CAPN12: variants seen among roughly 807,000 people sequenced by gnomAD.
CAPN12 encodes the protein calpain-12.
In CAPN12, 107 loss-of-function variants were observed where a neutral mutation model predicts 95.0. The observed-to-expected ratio is 1.13, with a 90% confidence interval of 0.96 to 1.32. The LOEUF (loss-of-function observed/expected upper bound fraction) is 1.32, where lower values mean the gene tolerates loss of function less well. CAPN12 is among the 40% of genes most tolerant of loss of function. The pLI is 0.00. For synonymous variants in CAPN12, 505 were observed against 415.5 expected, an observed-to-expected ratio of 1.22 and a Z score of -2.62; for missense variants, 1,136 against 997.8, an observed-to-expected ratio of 1.14 and a Z score of -1.87.
Position 38,737,571 on chromosome 19 carries a change from G to A in CAPN12, c.1033C>T (p.Leu345=). 6.2e-7 allele frequency: 1 copy of A among 1,612,312 alleles called. No individual in the cohort carries two copies. The highest frequency in any genetic ancestry group is 8.5e-7 in the Non-Finnish European group (1 of 1,179,786). ...CCGCCCCCCTCCGGGCTGGGGCCCA[G>A]CACCTCCGGGCTCAGCGAGCAGATC... is the stretch of plus-strand genomic sequence containing the variant. ...VQICSLSPEV[L]GPSPEGGGWH... is the part of the protein sequence containing the mutation. Residue 345 remains leucine, a synonymous_variant, in exon 9 of 21, where the codon CTG becomes TTG. Coordinates refer to ENST00000328867, the MANE Select transcript of CAPN12 (RefSeq NM_144691.4).
chr19:38,736,306 A>G lies in CAPN12; in HGVS notation c.1387T>C (p.Trp463Arg), dbSNP rs1970142846. The G allele has an allele frequency of 1.4e-6, 2 of 1,440,658 alleles. No homozygotes were observed. Among genetic ancestry groups the G allele is most frequent in the East Asian group, 5.6e-5 (2 of 35,860 alleles). The allele number at this position is 1,440,658 out of a possible 1,614,324, so 89.2% of individuals were successfully genotyped here. The change falls in exon 12 of 21, where the codon TGG becomes CGG. Residue 463 changes from tryptophan (W) to arginine (R), a missense_variant. By Grantham distance (101) the Trp-to-Arg change is moderately radical. Coordinates refer to ENST00000328867, the MANE Select transcript of CAPN12 (RefSeq NM_144691.4). ...AGCGCATGGCTGCGCGGGGAATCCC[A>G]GAGGCCCAGCAGCTGGGGACGGGGC... ...FQIPEELLGL[W>R]DSPRSHALLP... is the part of the protein sequence containing the mutation.
At position 38,735,501 on chromosome 19, in the gene CAPN12, C is replaced by T; in HGVS notation, c.1626+1G>A. On this transcript the variant is annotated splice_donor_variant, in intron 13 of 20. Coordinates refer to ENST00000328867, the MANE Select transcript of CAPN12 (RefSeq NM_144691.4). LOFTEE classifies it high-confidence loss of function. ...GCCGCCCCTCCAGGAACAGTCCCCACCTGGAGAGACTGCAGGTCTGCGCTG... is the reference window on the plus strand; with the variant it reads ...GCCGCCCCTCCAGGAACAGTCCCCATCTGGAGAGACTGCAGGTCTGCGCTG... 2 of 1,611,312 alleles carry T rather than the reference C, an allele frequency of 1.2e-6. No individual in the cohort carries two copies. The highest frequency in any genetic ancestry group is 1.7e-6 in the Non-Finnish European group (2 of 1,179,546).
chr19:38,736,092 T>C lies in CAPN12; in HGVS notation c.1583+18A>G, dbSNP rs1327372081. 4.1e-6 allele frequency: 6 copies of C among 1,461,710 alleles called. No homozygotes were observed. The highest frequency in any genetic ancestry group is 5.4e-6 in the Non-Finnish European group (6 of 1,109,376). 90.5% of individuals were successfully genotyped at this position (1,461,710 alleles called of 1,614,324 possible). On this transcript the variant is annotated intron_variant, in intron 12 of 20. Coordinates refer to ENST00000328867, the MANE Select transcript of CAPN12 (RefSeq NM_144691.4). ...GTCTAGGCAGGGATGGGGTCGGATT[T>C]GGGTGCCCGGGGCTCACACGGCCGT...
At chr19:38,732,834 C>T (rs1969728909) in intron 18 of CAPN12, among the ~76,000 whole-genome samples, 1 of 152,196 alleles carries the variant, frequency 6.6e-6, no homozygotes, top group Non-Finnish European at 1.5e-5. Flanking sequence ...TGACCCCAGC[C>T]CACTCTCCAA....
chr19:38,736,098 C>A lies in CAPN12; in HGVS notation c.1583+12G>T, dbSNP rs368118072. The A allele has an allele frequency of 1.4e-6, 2 of 1,477,760 alleles. No homozygotes were observed. The highest frequency in any genetic ancestry group is 1.3e-5 in the South Asian group (1 of 78,036). 91.5% of individuals were successfully genotyped at this position (1,477,760 alleles called of 1,614,324 possible). A position where few individuals can be genotyped will look rare whatever the true frequency, so the allele number is the denominator to read the frequency against. ...GCAGGGATGGGGTCGGATTTGGGTGCCCGGGGCTCACACGGCCGTGTGGCG... is the reference window on the plus strand; with the variant it reads ...GCAGGGATGGGGTCGGATTTGGGTGACCGGGGCTCACACGGCCGTGTGGCG... On this transcript the variant is annotated intron_variant, in intron 12 of 20. Coordinates refer to ENST00000328867, the MANE Select transcript of CAPN12 (RefSeq NM_144691.4).
Position 38,741,794 on chromosome 19 carries a change from C to A in CAPN12, c.543G>T (p.Leu181=). The change falls in exon 4 of 21, where the codon CTG becomes CTT. Residue 181 remains leucine (L), a synonymous_variant. Transcript: ENST00000328867. ...EQRNEFWAPL[L]EKAYAKLHGS... ...GTCCTCACTTGGCGTAGGCCTTCTC[C>A]AGGAGTGGGGCCCAGAACTCATTCC... The A allele has an allele frequency of 1.2e-6, 2 of 1,614,052 alleles. No homozygotes were observed. Among genetic ancestry groups the A allele is most frequent in the Non-Finnish European group, 1.7e-6 (2 of 1,180,032 alleles).
rs746297679 is a variant in CAPN12, at chr19:38,738,447, G to A, written c.861C>T (p.Cys287=). ...CGCTCCAGGCCCCCGTCCACTCCACGCAGCCCCATGGGTTCCGCAGCCGCA... is the reference window on the plus strand; with the variant it reads ...CGCTCCAGGCCCCCGTCCACTCCACACAGCCCCATGGGTTCCGCAGCCGCA... The part of the protein sequence containing the change: ...RLLRLRNPWG[C]VEWTGAWSDS... The change falls in exon 7 of 21, where the codon TGC becomes TGT. Residue 287 remains cysteine (C), a synonymous_variant. Coordinates refer to ENST00000328867, the MANE Select transcript of CAPN12 (RefSeq NM_144691.4). The A allele has an allele frequency of 1.4e-5, 23 of 1,600,464 alleles. No individual in the cohort carries two copies. The highest frequency in any genetic ancestry group is 5.0e-5 in the Admixed American group (3 of 59,620).
chr19:38,737,626 C>T lies in CAPN12; in HGVS notation c.978G>A (p.Arg326=). The part of the protein sequence containing the change: ...KEDGEFWMEL[R]DFLLHFDTVQ... ...CGGTGTCGAAATGGAGGAGGAAGTC[C>T]CGCAGCTCCATCCTGCACGGTGGCC... is the stretch of plus-strand genomic sequence containing the variant. Residue 326 remains arginine (R), a synonymous_variant, in exon 9 of 21, where the codon CGG becomes CGA. Transcript: ENST00000328867. The T allele has an allele frequency of 6.2e-7, 1 of 1,603,486 alleles. No homozygotes were observed.
intron 15 of CAPN12, 159 bp from the exon 16 acceptor site, chr19:38,734,548 G>A (rs1969877467): frequency 2.8e-6 from 2 of 707,808 alleles, no homozygotes; most frequent in Non-Finnish European, 4.6e-6. Context: ...TAGCAGAGCT[G>A]GGATTCAAAT....
chr19:38,736,580 C>T lies in CAPN12; in HGVS notation c.1363-17G>A, dbSNP rs763245947. On this transcript the variant is annotated splice_polypyrimidine_tract_variant and intron_variant, in intron 10 of 20. Coordinates refer to ENST00000328867, the MANE Select transcript of CAPN12 (RefSeq NM_144691.4). ...CTCTGGAATCTGAAAGAAGCAAGAG[C>T]AAGGGGCGTCGGGGCAGGGGAGAGG... is the stretch of plus-strand genomic sequence containing the variant. 2 of 1,561,606 alleles carry T rather than the reference C, an allele frequency of 1.3e-6. No homozygotes were observed. The highest frequency in any genetic ancestry group is 8.7e-7 in the Non-Finnish European group (1 of 1,153,012).
Position 38,736,305 on chromosome 19 carries a change from C to T in CAPN12, c.1388G>A (p.Trp463Ter), listed in dbSNP as rs1970142691. Residue 463 changes from tryptophan to a stop codon, truncating the protein, a stop_gained, in exon 12 of 21, where the codon TGG (tryptophan) becomes TAG (stop). Coordinates refer to ENST00000328867, the MANE Select transcript of CAPN12 (RefSeq NM_144691.4). LOFTEE classifies it high-confidence loss of function. ...FQIPEELLGL[W>*]DSPRSHALLP... is the part of the protein sequence containing the mutation. ...GAGCGCATGGCTGCGCGGGGAATCCCAGAGGCCCAGCAGCTGGGGACGGGG... is the reference window on the plus strand; with the variant it reads ...GAGCGCATGGCTGCGCGGGGAATCCTAGAGGCCCAGCAGCTGGGGACGGGG... 2.1e-6 allele frequency: 3 copies of T among 1,441,582 alleles called. No individual in the cohort carries two copies. The African/African-American group carries it at 4.5e-5, about 22-fold the overall frequency. The allele number at this position is 1,441,582 out of a possible 1,614,324, so 89.3% of individuals were successfully genotyped here. A position where few individuals can be genotyped will look rare whatever the true frequency, so the allele number is the denominator to read the frequency against.
At chr19:38,743,757 G>A (rs561301636) in intron 1 of CAPN12, among the ~76,000 whole-genome samples, 172 bp downstream of exon 1, 1 of 128,118 alleles carries the variant, frequency 7.8e-6, no homozygotes, top group Non-Finnish European at 1.6e-5. Flanking sequence ...CTCAGACCCA[G>A]GAGTCCAGGC....
rs372719082 is a variant in CAPN12, at chr19:38,742,466, C to T, written c.370G>A (p.Val124Met). ...LTLYPRLLRR[V>M]VPPGQDFQHG... The stretch of plus-strand genomic sequence containing the variant: ...TGGAAATCCTGTCCAGGAGGGACCA[C>T]CCGGCGCAGGAGCCGGGGATACAGA... Residue 124 changes from valine (V) to methionine (M), a missense_variant, in exon 3 of 21, where the codon GTG (valine) becomes ATG (methionine). Physicochemically the swap from Val to Met is conservative, Grantham distance 21. Transcript: ENST00000328867. The T allele has an allele frequency of 6.6e-5, 106 of 1,613,922 alleles. No homozygotes were observed. In the African/African-American group the frequency reaches 1.1e-3, roughly 17 times the overall value.
intron 12 of CAPN12, 45 bp from the exon 13 acceptor site, chr19:38,735,589 G>A: frequency 1.9e-6 from 3 of 1,594,080 alleles, no homozygotes; most frequent in Middle Eastern, 1.7e-4. Flanking sequence ...GTTTGCCCCA[G>A]CTGGGGCTGT....
At chr19:38,735,581 T>G in intron 12 of CAPN12, 37 bp from the exon 13 acceptor site, 5 of 1,599,774 alleles carry the variant, frequency 3.1e-6, no homozygotes, top group Non-Finnish European at 4.3e-6. Flanking sequence ...AGGGGGCTGT[T>G]TGCCCCAGCT....
Position 38,730,956 on chromosome 19 carries a change from C to G in CAPN12, c.2133+9G>C. On this transcript the variant is annotated intron_variant, in intron 20 of 20. Transcript: ENST00000328867. ...GCCTGAGCCACCCTGTCCCTCCCAC[C>G]TGGCTCACCTGTCTGTGGGTCAGGC... The G allele has an allele frequency of 6.4e-7, 1 of 1,550,612 alleles. No individual in the cohort carries two copies. The highest frequency in any genetic ancestry group is 8.7e-7 in the Non-Finnish European group (1 of 1,147,080).
At chr19:38,735,256 G>C in intron 14 of CAPN12, 114 bp downstream of exon 14, 2 of 1,055,540 alleles carry the variant, frequency 1.9e-6, no homozygotes, top group Non-Finnish European at 2.7e-6. Flanking sequence ...ATTTAAGCCC[G>C]GAGGGAGGAA....
intron 8 of CAPN12, 95 bp from the exon 9 acceptor site, chr19:38,737,733 TCTTAA>T: frequency 7.1e-7 from 1 of 1,401,406 alleles, no homozygotes; most frequent in South Asian, 1.5e-5. Flanking sequence ...CCCTCACATT[TCTTAA>T]ATATTGTCAA....
At position 38,736,248 on chromosome 19, in the gene CAPN12, G is replaced by T; in HGVS notation, c.1445C>A (p.Pro482His). 6.8e-7 allele frequency: 1 copy of T among 1,479,334 alleles called. No individual in the cohort carries two copies. Among genetic ancestry groups the T allele is most frequent in the Non-Finnish European group, 8.9e-7 (1 of 1,122,898 alleles). 91.6% of individuals were successfully genotyped at this position (1,479,334 alleles called of 1,614,324 possible). A position where few individuals can be genotyped will look rare whatever the true frequency, so the allele number is the denominator to read the frequency against. Reference sequence around the variant, plus strand: ...GGTCACGTCGCGGCGGGCGCTGAGGGGCGAGCGGTCGGCGCGCAGCAGCCG... The same window carrying T: ...GGTCACGTCGCGGCGGGCGCTGAGGTGCGAGCGGTCGGCGCGCAGCAGCCG... ...LPRLLRADRS[P>H]LSARRDVTRR... The change falls in exon 12 of 21, where the codon CCC becomes CAC. Residue 482 changes from proline to histidine, a missense_variant. Physicochemically the swap from Pro to His is moderately conservative, Grantham distance 77 (BLOSUM62 -2). Transcript: ENST00000328867.
Sources: gnomAD v4.1 joint callset for allele counts (sites outside exome capture counted in the v4.1 genomes callset) on GRCh38, gnomAD v4.1.1 for gene constraint, MANE v1.5 for transcripts, NCBI Gene and HGNC (gene_info 2026-07-23, HGNC 2026-07-21) for gene names.